Variants in IGF2R observed in about 807,000 individuals in gnomAD.
The protein encoded by IGF2R is insulin like growth factor 2 receptor, also known as cation-independent mannose-6-phosphate receptor.
Under a neutral mutation model 270.6 loss-of-function variants are expected in IGF2R, and 91 were observed. That is an observed-to-expected ratio of 0.34 (90% confidence interval 0.28 to 0.40). The LOEUF is 0.40. Among genes scored for constraint, IGF2R ranks in the 10% least tolerant of loss-of-function variants. IGF2R has a pLI of 1.00. For synonymous variants in IGF2R, 1,316 were observed against 1,258.9 expected, an observed-to-expected ratio of 1.05 and a Z score of -0.96; for missense variants, 2,805 against 3,188.3, an observed-to-expected ratio of 0.88 and a Z score of 2.90.
At chr6:160,067,989 T>G (rs1778621324) in intron 29 of IGF2R, among the ~76,000 whole-genome samples, 1 of 151,766 alleles carries the variant, frequency 6.6e-6, no homozygotes, top group East Asian at 1.9e-4. Flanking sequence ...AAATTTAAAT[T>G]TTTTTTTAAG....
At chr6:160,099,543 A>G (rs1779437564) in intron 45 of IGF2R, among the ~76,000 whole-genome samples, 1 of 151,904 alleles carries the variant, frequency 6.6e-6, no homozygotes, top group African/African-American at 2.4e-5. Flanking sequence ...ATTTTTTTGT[A>G]TTTTTAGTAG....
intron 1 of IGF2R, among the ~76,000 whole-genome samples, chr6:159,983,393 A>G (rs1486424650): frequency 6.6e-6 from 1 of 152,228 alleles, no homozygotes; most frequent in Non-Finnish European, 1.5e-5. Context: ...TGAGGTTAAA[A>G]TGGAACCTCT....
intron 39 of IGF2R, among the ~76,000 whole-genome samples, chr6:160,081,989 A>G (rs546784343): frequency 1.5e-4 from 23 of 152,348 alleles, no homozygotes; most frequent in African/African-American, 5.3e-4. Flanking sequence ...TCCTCAGCTT[A>G]CGAAGATGAT....
intron 10 of IGF2R, among the ~76,000 whole-genome samples, chr6:160,035,284 C>G (rs1656375412): frequency 6.6e-6 from 1 of 152,182 alleles, no homozygotes; most frequent in African/African-American, 2.4e-5. Flanking sequence ...CTGGCCCTTG[C>G]TTCCGTGTGT....
Position 160,084,576 on chromosome 6 carries a change from T to C in IGF2R, c.6068+392T>C, listed in dbSNP as rs1779057254. On this transcript the variant is annotated intron_variant, in intron 40 of 47. Transcript: ENST00000356956. The surrounding 1 kb of genome is among the most constrained non-coding windows in gnomAD (Gnocchi z 4.6). ...GGTCAGCCCATGGTCCTGACCACTC[T>C]GCGTGGGGAGCGCCCGCTTGGCCAG... 6.6e-6 allele frequency among the ~76,000 whole-genome samples: 1 copy of C among 152,216 alleles called. No homozygotes were observed. The highest frequency in any genetic ancestry group is 2.4e-5 in the African/African-American group (1 of 41,468).
rs1276211937 is a variant in IGF2R, at chr6:160,004,133, G to A, written c.290-4877G>A. On this transcript the variant is annotated intron_variant, in intron 2 of 47. Transcript: ENST00000356956. The surrounding 1 kb of genome is among the most constrained non-coding windows in gnomAD (Gnocchi z 5.2). ...AATAGCGTGAATAGTATATGTTGAA[G>A]GAAACGCTAAGTGGGTGGTGCAGGG... 1 of 152,152 alleles carries A rather than the reference G, an allele frequency of 6.6e-6. No individual in the cohort carries two copies. Among genetic ancestry groups the A allele is most frequent in the Non-Finnish European group, 1.5e-5 (1 of 68,044 alleles). The allele number at this position is 152,152 out of a possible 1,614,324, so 9.4% of individuals were successfully genotyped here. A position where few individuals can be genotyped will look rare whatever the true frequency, so the allele number is the denominator to read the frequency against.
intron 10 of IGF2R, among the ~76,000 whole-genome samples, chr6:160,035,835 T>G (rs1201401420): frequency 6.6e-6 from 1 of 152,046 alleles, no homozygotes; most frequent in Non-Finnish European, 1.5e-5. Context: ...CTCCGCTGCT[T>G]TACCAGGAGG....
At chr6:160,032,880 G>C in intron 8 of IGF2R, 62 bp from the exon 9 acceptor site, 2 of 1,431,568 alleles carry the variant, frequency 1.4e-6, no homozygotes, top group Non-Finnish European at 1.9e-6. Flanking sequence ...AAGTAAGACT[G>C]TAATCTTCTA....
At chr6:159,986,866 T>G (rs1783896758) in intron 1 of IGF2R, among the ~76,000 whole-genome samples, 1 of 152,200 alleles carries the variant, frequency 6.6e-6, no homozygotes, top group Non-Finnish European at 1.5e-5. Flanking sequence ...GGCTGTTAAA[T>G]GAACCATACT....
At chr6:160,064,650 A>G in intron 28 of IGF2R, 119 bp downstream of exon 28, 5 of 1,238,588 alleles carry the variant, frequency 4.0e-6, no homozygotes, top group Non-Finnish European at 5.8e-6. Context: ...TGAGTTTAAA[A>G]TAACCATTTA....
intron 39 of IGF2R, 98 bp downstream of exon 39, chr6:160,080,373 C>T (rs767769424): frequency 8.5e-7 from 1 of 1,176,170 alleles, no homozygotes. Context: ...CAGTCAGTGG[C>T]AGGAATTCTC....
In IGF2R at chr6:160,056,450, C is replaced by G. The variant is rs368664310; in HGVS notation, c.2721C>G (p.Asn907Lys). 2 of 1,613,982 alleles carry G rather than the reference C, an allele frequency of 1.2e-6. No homozygotes were observed. Among genetic ancestry groups the G allele is most frequent in the Non-Finnish European group, 1.7e-6 (2 of 1,179,808 alleles). The change falls in exon 20 of 48, where the codon AAC becomes AAG. Residue 907 changes from asparagine to lysine, a missense_variant. Around this residue, in one of 2 missense-constraint regions of IGF2R, gnomAD observed 1,851 missense variants for 2,207.2 expected, o/e 0.84. Coordinates refer to ENST00000356956, the MANE Select transcript of IGF2R (RefSeq NM_000876.4). ...ACAGCCACCCCATCTTTTCTCTCAACTGGGAGTGTGTGGTCAGTTTCCTGT... is the reference window on the plus strand; with the variant it reads ...ACAGCCACCCCATCTTTTCTCTCAAGTGGGAGTGTGTGGTCAGTTTCCTGT... Reference protein sequence around the residue: ...RLNSHPIFSLNWECVVSFLWN... With the variant: ...RLNSHPIFSLKWECVVSFLWN...
In IGF2R at chr6:160,102,508, C is replaced by T. The variant is rs553208816; in HGVS notation, c.6843-11C>T. 81 of 1,608,760 alleles carry T rather than the reference C, an allele frequency of 5.0e-5. No individual in the cohort carries two copies. Among genetic ancestry groups the T allele is most frequent in the Admixed American group, 6.7e-5 (4 of 59,900 alleles). ...CTGTGACACGGCTCCTTTTCTGTGA[C>T]GTCCTTGCAGGGTGGGCTTTGACAG... On this transcript the variant is annotated splice_polypyrimidine_tract_variant and intron_variant, in intron 45 of 47. Coordinates refer to ENST00000356956, the MANE Select transcript of IGF2R (RefSeq NM_000876.4). This position sits in a 1 kb window ranked among gnomAD's most constrained non-coding sequence, Gnocchi z 4.5.
At chr6:160,036,939 G>A (rs1447459390) in intron 10 of IGF2R, among the ~76,000 whole-genome samples, 3 of 152,180 alleles carry the variant, frequency 2.0e-5, no homozygotes, top group East Asian at 3.9e-4. Context: ...TTGACAAAAC[G>A]GGTGAAGGCC....
intron 11 of IGF2R, among the ~76,000 whole-genome samples, chr6:160,042,412 C>T (rs537854629): frequency 1.1e-3 from 163 of 152,322 alleles, no homozygotes; most frequent in Middle Eastern, 3.4e-3. Flanking sequence ...CAAATGAGAA[C>T]GTGTATTTTT....
At chr6:160,051,228 G>T (rs1411146893) in intron 19 of IGF2R, among the ~76,000 whole-genome samples, 1 of 152,208 alleles carries the variant, frequency 6.6e-6, no homozygotes, top group Non-Finnish European at 1.5e-5. Flanking sequence ...TGACGGGGCA[G>T]CAAATGATTA....
rs1014540802 is a variant in IGF2R, at chr6:160,013,210, A to G, written c.513+2425A>G. ...AAAATTGCTTTCCAAAATAAAATGAATAGCAACTTGTTTTCAATGGGTCAG... is the reference window on the plus strand; with the variant it reads ...AAAATTGCTTTCCAAAATAAAATGAGTAGCAACTTGTTTTCAATGGGTCAG... On this transcript the variant is annotated intron_variant, in intron 4 of 47. Transcript: ENST00000356956. Among the ~76,000 whole-genome samples, 2 of 152,184 alleles carry G rather than the reference A, an allele frequency of 1.3e-5. 1 individual carries two copies. The highest frequency in any genetic ancestry group is 2.9e-5 in the Non-Finnish European group (2 of 68,024).
rs8191850 is a variant in IGF2R, at chr6:160,062,701, G to A, written c.3670+82G>A. 2,633 of 946,030 alleles carry A rather than the reference G, an allele frequency of 2.8e-3. 47 individuals are homozygous for A. In the African/African-American group the frequency reaches 0.037, roughly 13 times the overall value. 58.6% of individuals were successfully genotyped at this position (946,030 alleles called of 1,614,324 possible). A position where few individuals can be genotyped will look rare whatever the true frequency, so the allele number is the denominator to read the frequency against. ...TGAACGATGCCTTAGATATGAGACC[G>A]TGTGATAACAGCCATAGCTGGGGTC... On this transcript the variant is annotated intron_variant, in intron 26 of 47. Transcript: ENST00000356956.
chr6:160,005,895 G>A (rs942680658), intron 2 of IGF2R: 1 of 145,664 alleles, frequency 6.9e-6, no homozygotes, highest in South Asian at 1.8e-4. Flanking sequence ...GCGCCTCCCC[G>A]GTCCTCAGCG....
Sources: gnomAD v4.1 joint callset for allele counts (sites outside exome capture counted in the v4.1 genomes callset) on GRCh38, gnomAD v4.1.1 for gene constraint, gnomAD v4.1.1 regional missense constraint, Gnocchi (gnomAD v3.1) non-coding constraint, MANE v1.5 for transcripts, NCBI Gene and HGNC (gene_info 2026-07-23, HGNC 2026-07-21) for gene names.